Variants in DACT2 observed in about 807,000 individuals in gnomAD.
DACT2 encodes dishevelled binding antagonist of beta catenin 2.
A neutral mutation model predicts 22.2 loss-of-function variants in DACT2; 20 were observed. The ratio of observed to expected loss-of-function variants is 0.90; its 90% CI spans 0.63 to 1.31. The LOEUF (loss-of-function observed/expected upper bound fraction) is 1.31, where lower values mean the gene tolerates loss of function less well. Ranked by LOEUF, DACT2 falls within the 50% of genes most tolerant of loss-of-function variation. The pLI, the probability that DACT2 is intolerant of heterozygous loss-of-function variation, is 0.00. For synonymous variants in DACT2, 463 were observed against 479.8 expected, an observed-to-expected ratio of 0.96 and a Z score of 0.46; for missense variants, 1,048 against 1,061.4, an observed-to-expected ratio of 0.99 and a Z score of 0.18.
At chr6:168,314,986 C>T (rs1374142465) in intron 1 of DACT2, among the ~76,000 whole-genome samples, 1 of 152,196 alleles carries the variant, frequency 6.6e-6, no homozygotes, top group African/African-American at 2.4e-5. Context: ...AGTTCTCACC[C>T]TGCCTCCCTT....
chr6:168,301,599 C>T (rs1006484185), intron 3 of DACT2, among the ~76,000 whole-genome samples: 2 of 152,166 alleles, frequency 1.3e-5, no homozygotes, highest in African/African-American at 2.4e-5. Context: ...TGCTTCCACT[C>T]GGGACCAACC....
At chr6:168,313,005 C>T (rs1000304177) in intron 1 of DACT2, among the ~76,000 whole-genome samples, 3 of 152,218 alleles carry the variant, frequency 2.0e-5, no homozygotes, top group Non-Finnish European at 2.9e-5. Flanking sequence ...AACTCAGGGG[C>T]CTCCCAACAA....
chr6:168,310,848 C>A (rs1289970302), intron 2 of DACT2, among the ~76,000 whole-genome samples: 4 of 152,170 alleles, frequency 2.6e-5, no homozygotes, highest in African/African-American at 9.7e-5. Context: ...GTTGAGGAGA[C>A]CAGTCTGGGG....
At chr6:168,293,433 G>A (rs1227736610) in exon 6 of DACT2, 1 of 156,200 alleles carries the variant, frequency 6.4e-6, no homozygotes, top group African/African-American at 2.4e-5. Context: ...TGATAACATT[G>A]TATTTACCCA....
chr6:168,309,165 T>G, intron 3 of DACT2, 67 bp from the exon 4 acceptor site: 1 of 1,444,852 alleles, frequency 6.9e-7, no homozygotes, highest in South Asian at 1.4e-5. Flanking sequence ...TGATTTCATT[T>G]CATGCGTGGC....
chr6:168,306,085 G>A (rs773778972), downstream of DACT2, among the ~76,000 whole-genome samples: 3 of 152,158 alleles, frequency 2.0e-5, no homozygotes, highest in Non-Finnish European at 2.9e-5. Context: ...GTTCCTTACA[G>A]GCATCTCAAA....
chr6:168,311,250 G>C lies in DACT2; in HGVS notation c.281C>G (p.Thr94Ser). The C allele has an allele frequency of 6.4e-7, 1 of 1,550,746 alleles. No homozygotes were observed. Among genetic ancestry groups the C allele is most frequent in the Non-Finnish European group, 8.7e-7 (1 of 1,146,022 alleles). ...RLRQQDIGLKTHLDQLDLQIS... is the reference protein window; with the variant it reads ...RLRQQDIGLKSHLDQLDLQIS... ...CTGCAGGTCCAGCTGGTCCAGGTGGGTCTTCAGGCCGATGTCCTGTTGTCT... is the reference window on the plus strand; with the variant it reads ...CTGCAGGTCCAGCTGGTCCAGGTGGCTCTTCAGGCCGATGTCCTGTTGTCT... The change falls in exon 2 of 4, where the codon ACC (threonine) becomes AGC (serine). Residue 94 changes from threonine to serine, a missense_variant. Coordinates refer to ENST00000366795, the MANE Select transcript of DACT2 (RefSeq NM_214462.5).
intron 1 of DACT2, among the ~76,000 whole-genome samples, chr6:168,311,551 T>TACACACACACACCCAC (rs778387834): frequency 1.0e-5 from 1 of 97,824 alleles, no homozygotes; most frequent in African/African-American, 4.2e-5. Flanking sequence ...CACACACACA[T>TACACACACACACCCAC]ACACACACTC....
intron 2 of DACT2, 28 bp from the exon 3 acceptor site, chr6:168,310,474 T>A: frequency 6.5e-7 from 1 of 1,534,574 alleles, no homozygotes; most frequent in Non-Finnish European, 8.8e-7. Flanking sequence ...GGCAGGTCAG[T>A]GACCCCCATC....
At position 168,307,684 on chromosome 6, in the gene DACT2, G is replaced by C; in HGVS notation, c.2073C>G (p.Thr691=). ...TGGACTCACGGTCTCCGAATCGGTT[G>C]GTGGTGTGGTCACTGGACTCTCCCT... ...TSEGESSDHT[T]NRFGDRESSS... Residue 691 remains threonine (T), a synonymous_variant, in exon 4 of 4, where the codon ACC becomes ACG. Coordinates refer to ENST00000366795, the MANE Select transcript of DACT2 (RefSeq NM_214462.5). This position sits in a 1 kb window ranked among gnomAD's most constrained non-coding sequence, Gnocchi z 5.3. 1 of 1,550,260 alleles carries C rather than the reference G, an allele frequency of 6.5e-7. No individual in the cohort carries two copies. Among genetic ancestry groups the C allele is most frequent in the Non-Finnish European group, 8.7e-7 (1 of 1,146,554 alleles).
intron 3 of DACT2, among the ~76,000 whole-genome samples, chr6:168,297,729 C>T (rs970888316): frequency 8.5e-5 from 13 of 152,212 alleles, no homozygotes; most frequent in African/African-American, 2.7e-4. Context: ...GTCTTGCTTG[C>T]GTGGACAGAA....
At chr6:168,298,139 G>A (rs908854935) in intron 3 of DACT2, 2 of 152,212 alleles carry the variant, frequency 1.3e-5, no homozygotes, top group African/African-American at 4.8e-5. Flanking sequence ...TCAGGTACAC[G>A]CATGTACCTA....
At chr6:168,309,987 G>A (rs566554887) in intron 3 of DACT2, among the ~76,000 whole-genome samples, 181 bp downstream of exon 3, 23 of 152,322 alleles carry the variant, frequency 1.5e-4, no homozygotes, top group African/African-American at 5.5e-4. Flanking sequence ...GCGCACAGCC[G>A]CATTTGGTTC....
chr6:168,308,773 G>T lies in DACT2; in HGVS notation c.984C>A (p.Ala328=). 6.4e-7 allele frequency: 1 copy of T among 1,551,338 alleles called. No homozygotes were observed. Among genetic ancestry groups the T allele is most frequent in the Non-Finnish European group, 8.7e-7 (1 of 1,147,000 alleles). ...ACCTGTCGATATAAGCTCTGGCCCT[G>T]GCCGGGCCAGCCTCGAGGACCGGCC... ...QTGPVLEAGP[A]RARAYIDRLL... The change falls in exon 4 of 4, where the codon GCC becomes GCA. Residue 328 remains alanine (A), a synonymous_variant. Transcript: ENST00000366795.
intron 3 of DACT2, among the ~76,000 whole-genome samples, chr6:168,297,008 A>C (rs1779020588): frequency 6.6e-6 from 1 of 152,238 alleles, no homozygotes; most frequent in South Asian, 2.1e-4. Context: ...TTCACAAAGG[A>C]AACTAGAAGG....
At chr6:168,299,746 A>T (rs1030001624) in intron 3 of DACT2, 1 of 152,338 alleles carries the variant, frequency 6.6e-6, no homozygotes, top group African/African-American at 2.4e-5. Context: ...CTTCTCCAGC[A>T]TGTCACCATG....
chr6:168,308,015 T>C lies in DACT2; in HGVS notation c.1742A>G (p.Glu581Gly). 1 of 1,550,448 alleles carries C rather than the reference T, an allele frequency of 6.4e-7. No homozygotes were observed. Among genetic ancestry groups the C allele is most frequent in the African/African-American group, 1.4e-5 (1 of 73,172 alleles). The change falls in exon 4 of 4, where the codon GAG becomes GGG. Residue 581 changes from glutamate to glycine, a missense_variant. Coordinates refer to ENST00000366795, the MANE Select transcript of DACT2 (RefSeq NM_214462.5). ...VLVPLAVAPQ[E>G]SHRTSAQALF... Reference sequence around the variant, plus strand: ...GGCTTGGGCTGAGGTCCGGTGGCTCTCCTGCGGGGCCACTGCCAAGGGGAC... The same window carrying C: ...GGCTTGGGCTGAGGTCCGGTGGCTCCCCTGCGGGGCCACTGCCAAGGGGAC...
intron 1 of DACT2, among the ~76,000 whole-genome samples, chr6:168,314,261 T>C (rs1265413379): frequency 6.6e-6 from 1 of 152,182 alleles, no homozygotes; most frequent in Non-Finnish European, 1.5e-5. Flanking sequence ...GCGTTCAGGC[T>C]AACTCCAGGC....
At chr6:168,294,740 A>G (rs1351151629) in intron 3 of DACT2, 32 of 1,136,484 alleles carry the variant, frequency 2.8e-5, no homozygotes, top group Non-Finnish European at 3.7e-5. Flanking sequence ...CGTGAGAGCT[A>G]CAGAACACAC....
Sources: gnomAD v4.1 joint callset for allele counts (sites outside exome capture counted in the v4.1 genomes callset) on GRCh38, gnomAD v4.1.1 for gene constraint, Gnocchi (gnomAD v3.1) non-coding constraint, MANE v1.5 for transcripts, NCBI Gene and HGNC (gene_info 2026-07-23, HGNC 2026-07-21) for gene names.